The following KCNH1 variants were observed in gnomAD, a reference collection of about 807,000 sequenced individuals.
KCNH1 encodes voltage-gated delayed rectifier potassium channel KCNH1.
Under a neutral mutation model 69.2 loss-of-function variants are expected in KCNH1, and 27 were observed. The observed-to-expected ratio is 0.39, with a 90% CI of 0.29 to 0.54. The LOEUF is 0.54. Ranked by LOEUF, KCNH1 falls within the 20% of genes least tolerant of loss-of-function variation. KCNH1 has a pLI of 0.68. For synonymous variants in KCNH1, 456 were observed against 487.7 expected (o/e 0.93, Z 0.86); for missense variants, 798 against 1,261.6 (o/e 0.63, Z 5.57).
chr1:210,963,242 A>G (rs185754142), intron 6 of KCNH1, among the ~76,000 whole-genome samples: 21 of 152,276 alleles, frequency 1.4e-4, no homozygotes, highest in Non-Finnish European at 8.8e-5. Context: ...GAGCATCAAC[A>G]TCAACAAAAG....
intron 10 of KCNH1, among the ~76,000 whole-genome samples, chr1:210,752,338 C>T (rs561530508): frequency 6.6e-5 from 10 of 152,260 alleles, no homozygotes; most frequent in African/African-American, 1.4e-4. Flanking sequence ...TCCTGGCAGC[C>T]GGAAGCTCTA....
At chr1:210,936,889 C>A (rs1163829757) in intron 6 of KCNH1, among the ~76,000 whole-genome samples, 1 of 152,202 alleles carries the variant, frequency 6.6e-6, no homozygotes, top group Non-Finnish European at 1.5e-5. Flanking sequence ...ATTCCTCCCA[C>A]TCTTTTTCCC....
intron 5 of KCNH1, among the ~76,000 whole-genome samples, chr1:211,054,589 T>C (rs1690269136): frequency 6.6e-6 from 1 of 152,022 alleles, no homozygotes; most frequent in African/African-American, 2.4e-5. Flanking sequence ...ATAAGGAAGT[T>C]AAAAATAAGA....
At chr1:211,077,860 A>G (rs904332449) in intron 5 of KCNH1, among the ~76,000 whole-genome samples, 1 of 152,110 alleles carries the variant, frequency 6.6e-6, no homozygotes, top group Non-Finnish European at 1.5e-5. Context: ...TATTCAGGAG[A>G]CCCATCTCAC....
chr1:210,864,246 A>G (rs1686053766), intron 7 of KCNH1, among the ~76,000 whole-genome samples: 2 of 152,136 alleles, frequency 1.3e-5, no homozygotes, highest in Non-Finnish European at 2.9e-5. Flanking sequence ...CCAGAATGCC[A>G]TCTCTACCCC....
chr1:210,698,453 A>T (rs1181271099), intron 10 of KCNH1, among the ~76,000 whole-genome samples: 1 of 152,224 alleles, frequency 6.6e-6, no homozygotes, highest in South Asian at 2.1e-4. Flanking sequence ...CACCATAACC[A>T]GAAGAAGAGA....
intron 7 of KCNH1, among the ~76,000 whole-genome samples, chr1:210,825,052 G>A (rs1685006792): frequency 6.6e-6 from 1 of 152,094 alleles, no homozygotes; most frequent in Admixed American, 6.6e-5. Flanking sequence ...ATTTTTGCTT[G>A]AAAGCCTTAA....
rs539011796 is a variant in KCNH1, at chr1:211,072,543, ATG to A, written c.558+10235_558+10236del. ...AACATGTATTCAATTATGCTTGTATATGTGTGTTTGTGTTTATGTATATGTGA... is the reference window on the plus strand; with the variant it reads ...AACATGTATTCAATTATGCTTGTATATGTGTTTGTGTTTATGTATATGTGA... On this transcript the variant is annotated intron_variant, in intron 5 of 10. Transcript: ENST00000271751. 1.2e-4 allele frequency among the ~76,000 whole-genome samples: 19 copies of A among 152,318 alleles called. No homozygotes were observed. In the East Asian group the frequency reaches 3.3e-3, roughly 26 times the overall value.
intron 5 of KCNH1, among the ~76,000 whole-genome samples, chr1:211,047,691 A>C (rs1034047708): frequency 1.7e-4 from 26 of 152,240 alleles, no homozygotes; most frequent in African/African-American, 5.1e-4. Context: ...GTGTGTGTAC[A>C]TTCTTGTGAA....
intron 7 of KCNH1, among the ~76,000 whole-genome samples, chr1:210,877,319 T>C (rs1235013402): frequency 1.3e-5 from 2 of 152,114 alleles, no homozygotes; most frequent in Non-Finnish European, 2.9e-5. Flanking sequence ...GACTGCCGTC[T>C]CACAGAAAGT....
At chr1:210,910,040 CCT>C (rs1450525031) in intron 7 of KCNH1, among the ~76,000 whole-genome samples, 3 of 151,956 alleles carry the variant, frequency 2.0e-5, no homozygotes, top group African/African-American at 7.2e-5. Flanking sequence ...TGTTGCAATC[CCT>C]GTCTTTTGAC....
intron 7 of KCNH1, among the ~76,000 whole-genome samples, chr1:210,903,785 C>G (rs1215353450): frequency 6.6e-6 from 1 of 152,214 alleles, no homozygotes; most frequent in Non-Finnish European, 1.5e-5. Flanking sequence ...TTACTACCAA[C>G]TCTCTGCCTC....
intron 2 of KCNH1, among the ~76,000 whole-genome samples, chr1:211,105,010 AGAGAGTCCTAGCTGTT>A (rs1485555642): frequency 6.6e-6 from 1 of 152,134 alleles, no homozygotes; most frequent in Admixed American, 6.5e-5. Flanking sequence ...CCCAATAAGA[AGAGAGTCCTAGCTGTT>A]GACTTTGTGA....
chr1:210,985,974 G>T (rs1367216616), intron 6 of KCNH1, among the ~76,000 whole-genome samples: 2 of 152,124 alleles, frequency 1.3e-5, no homozygotes, highest in African/African-American at 4.8e-5. Flanking sequence ...CTCCTGTATT[G>T]GGTGCATATA....
At chr1:211,107,488 A>C in intron 1 of KCNH1, 111 bp from the exon 2 acceptor site, 2 of 1,090,666 alleles carry the variant, frequency 1.8e-6, no homozygotes, top group Non-Finnish European at 2.7e-6. Context: ...GATTCCCTCC[A>C]AAACATAGAC....
chr1:211,086,824 T>C (rs1431282278), intron 4 of KCNH1, among the ~76,000 whole-genome samples: 2 of 152,156 alleles, frequency 1.3e-5, no homozygotes, highest in African/African-American at 4.8e-5. Context: ...TGTCCTGAGA[T>C]ACAGGGTCAG....
chr1:210,845,683 T>C lies in KCNH1; in HGVS notation c.1463-41517A>G, dbSNP rs868239515. 2.4e-3 allele frequency among the ~76,000 whole-genome samples: 361 copies of C among 151,554 alleles called. 3 individuals carry two copies. The South Asian group carries it at 0.031, about 13-fold the overall frequency. Reference sequence around the variant, plus strand: ...AAAACTGGCACAACACAGGGATGCCTTCTCTCACCACTCCTATTCAACATA... The same window carrying C: ...AAAACTGGCACAACACAGGGATGCCCTCTCTCACCACTCCTATTCAACATA... On this transcript the variant is annotated intron_variant, in intron 7 of 10. Transcript: ENST00000271751.
At chr1:211,117,922 A>T (rs1691611556) in intron 1 of KCNH1, among the ~76,000 whole-genome samples, 1 of 152,214 alleles carries the variant, frequency 6.6e-6, no homozygotes, top group Admixed American at 6.5e-5. Flanking sequence ...ACCGGTCATG[A>T]CCATGAAATA....
intron 9 of KCNH1, among the ~76,000 whole-genome samples, chr1:210,778,922 G>C (rs1334613252): frequency 6.7e-6 from 1 of 148,920 alleles, no homozygotes; most frequent in Non-Finnish European, 1.5e-5. Flanking sequence ...AGGTAAAATA[G>C]TAGCACTGCA....
Sources: gnomAD v4.1 joint callset for allele counts (sites outside exome capture counted in the v4.1 genomes callset) on GRCh38, gnomAD v4.1.1 for gene constraint, MANE v1.5 for transcripts, NCBI Gene and HGNC (gene_info 2026-07-23, HGNC 2026-07-21) for gene names.